KIAA1671: variants seen among roughly 807,000 people sequenced by gnomAD.
KIAA1671 encodes the protein uncharacterized protein KIAA1671.
Under a neutral mutation model 131.2 loss-of-function variants are expected in KIAA1671, and 52 were observed. The ratio of observed to expected loss-of-function variants is 0.40; its 90% CI spans 0.32 to 0.50. KIAA1671 has a LOEUF of 0.50. KIAA1671 is among the 20% of genes least tolerant of loss of function. KIAA1671 has a pLI of 0.73. For synonymous variants in KIAA1671, 1,003 were observed against 961.6 expected (o/e 1.04, Z -0.80); for missense variants, 2,360 against 2,364.2 (o/e 1.00, Z 0.04).
chr22:25,138,199 C>G (rs1932751980), intron 6 of KIAA1671, among the ~76,000 whole-genome samples: 1 of 152,162 alleles, frequency 6.6e-6, no homozygotes, highest in African/African-American at 2.4e-5. Flanking sequence ...TCCATGTCAT[C>G]TTTACTCTGG....
intron 1 of KIAA1671, among the ~76,000 whole-genome samples, chr22:24,991,976 C>T (rs1303999475): frequency 6.6e-6 from 1 of 152,150 alleles, no homozygotes; most frequent in African/African-American, 2.4e-5. Flanking sequence ...CCTCCGGTCT[C>T]TTCCCATCCC....
At chr22:25,095,605 C>T (rs570820403) in intron 6 of KIAA1671, among the ~76,000 whole-genome samples, 8 of 152,208 alleles carry the variant, frequency 5.3e-5, no homozygotes, top group South Asian at 2.1e-4. Context: ...GAGCTGAGGT[C>T]GCGCCACTGC....
chr22:25,007,561 C>T (rs1189283389), intron 1 of KIAA1671, among the ~76,000 whole-genome samples: 1 of 151,736 alleles, frequency 6.6e-6, no homozygotes, highest in Non-Finnish European at 1.5e-5. Flanking sequence ...AGGTGGGGCT[C>T]AGACTCTGGA....
intron 6 of KIAA1671, among the ~76,000 whole-genome samples, chr22:25,126,100 G>T (rs1932173207): frequency 6.6e-6 from 1 of 152,198 alleles, no homozygotes; most frequent in Admixed American, 6.5e-5. Context: ...TGTCAAAGGG[G>T]AGGTTCAGAT....
At chr22:25,111,634 C>A (rs1275916775) in intron 6 of KIAA1671, among the ~76,000 whole-genome samples, 1 of 152,192 alleles carries the variant, frequency 6.6e-6, no homozygotes, top group African/African-American at 2.4e-5. Flanking sequence ...CGGGGTCTGG[C>A]CGAGGGCAGC....
chr22:24,959,394 T>G (rs1264499776), intron 1 of KIAA1671, among the ~76,000 whole-genome samples: 1 of 151,528 alleles, frequency 6.6e-6, no homozygotes, highest in African/African-American at 2.4e-5. Flanking sequence ...GTGATGGCAG[T>G]TGCCTGTAAT....
chr22:25,184,235 C>G (rs2146040632), intron 10 of KIAA1671, among the ~76,000 whole-genome samples: 1 of 152,366 alleles, frequency 6.6e-6, no homozygotes, highest in African/African-American at 2.4e-5. Context: ...CGGGCTAGAC[C>G]TTTGAGCTTT....
rs932208122 is a variant in KIAA1671, at chr22:25,078,822, C to T, written c.4530+29458C>T. On this transcript the variant is annotated intron_variant, in intron 6 of 12. Transcript: ENST00000358431. ...GTTTGGGCCATGGAACAGTTTGCAT[C>T]ATGAGAGATTTTCATCTGACTTGAG... is the stretch of plus-strand genomic sequence containing the variant. Among the ~76,000 whole-genome samples, 32 of 152,252 alleles carry T rather than the reference C, an allele frequency of 2.1e-4. No homozygotes were observed. The East Asian group carries it at 5.6e-3, about 27-fold the overall frequency.
intron 6 of KIAA1671, among the ~76,000 whole-genome samples, chr22:25,095,452 C>T (rs928483892): frequency 6.6e-6 from 1 of 152,164 alleles, no homozygotes; most frequent in Non-Finnish European, 1.5e-5. Context: ...GAGATCAAGA[C>T]CATCCTGGCT....
chr22:25,184,887 A>C, intron 10 of KIAA1671, 90 bp from the exon 11 acceptor site: 5 of 1,483,936 alleles, frequency 3.4e-6, no homozygotes, highest in Non-Finnish European at 4.6e-6. Flanking sequence ...GAGTGTTTGC[A>C]GAAGGCTCAT....
At chr22:25,129,897 C>T (rs985703526) in intron 6 of KIAA1671, among the ~76,000 whole-genome samples, 4 of 152,116 alleles carry the variant, frequency 2.6e-5, no homozygotes, top group African/African-American at 4.8e-5. Flanking sequence ...CATCTGTTGA[C>T]GTATACAATG....
At chr22:25,033,213 C>T (rs1926386042) in intron 4 of KIAA1671, among the ~76,000 whole-genome samples, 2 of 151,814 alleles carry the variant, frequency 1.3e-5, no homozygotes, top group Non-Finnish European at 2.9e-5. Flanking sequence ...TAGTGAGACT[C>T]TTATCTCTAA....
chr22:25,109,570 A>G lies in KIAA1671; in HGVS notation c.4530+60206A>G, dbSNP rs181912884. On this transcript the variant is annotated intron_variant, in intron 6 of 12. Coordinates refer to ENST00000358431, the MANE Select transcript of KIAA1671 (RefSeq NM_001145206.2). ...CTGATGGTCATCTTGGAGGACATCT[A>G]TCAGCCATAACCTTGGTACATGATT... Among the ~76,000 whole-genome samples the G allele has an allele frequency of 2.1e-3, 321 of 152,368 alleles. 1 individual carries two copies. The highest frequency in any genetic ancestry group is 7.4e-3 in the African/African-American group (306 of 41,586).
At position 25,116,431 on chromosome 22, in the gene KIAA1671, GTA is replaced by G. The variant is rs1257059725; in HGVS notation, c.4531-54388_4531-54387del. On this transcript the variant is annotated intron_variant, in intron 6 of 12. Coordinates refer to ENST00000358431, the MANE Select transcript of KIAA1671 (RefSeq NM_001145206.2). ...TGTATGTATGTATGTATGTATGTAT[GTA>G]CGTATTGAGATGGAGTCTTGCTCTG... Among the ~76,000 whole-genome samples the G allele has an allele frequency of 2.2e-3, 316 of 146,572 alleles. 1 individual carries two copies. The highest frequency in any genetic ancestry group is 0.015 in the South Asian group (69 of 4,632).
At chr22:24,963,738 A>C (rs1922140482) in intron 1 of KIAA1671, among the ~76,000 whole-genome samples, 1 of 151,350 alleles carries the variant, frequency 6.6e-6, no homozygotes, top group African/African-American at 2.4e-5. Context: ...CAGGAGATCA[A>C]GACCATCCTG....
chr22:25,044,414 T>C (rs1177418395), intron 5 of KIAA1671, among the ~76,000 whole-genome samples: 1 of 152,086 alleles, frequency 6.6e-6, no homozygotes, highest in Admixed American at 6.5e-5. Flanking sequence ...AGCACCTTGC[T>C]CAGGGCCCGC....
At chr22:25,076,470 CCT>C (rs1929113249) in intron 6 of KIAA1671, among the ~76,000 whole-genome samples, 1 of 152,110 alleles carries the variant, frequency 6.6e-6, no homozygotes, top group Non-Finnish European at 1.5e-5. Flanking sequence ...CAGCCTGAGT[CCT>C]TCTCATAGCT....
intron 4 of KIAA1671, among the ~76,000 whole-genome samples, chr22:25,036,499 C>T (rs1488619136): frequency 1.3e-5 from 2 of 151,998 alleles, no homozygotes; most frequent in East Asian, 1.9e-4. Flanking sequence ...TTCAAAAATT[C>T]GGTCTTTCTA....
intron 1 of KIAA1671, among the ~76,000 whole-genome samples, chr22:25,015,493 C>A (rs1925261129): frequency 6.6e-6 from 1 of 152,018 alleles, no homozygotes; most frequent in African/African-American, 2.4e-5. Flanking sequence ...GTTGAAAAGG[C>A]GGAGGTTAAG....
Sources: allele counts gnomAD v4.1 joint callset (sites outside exome capture counted in the v4.1 genomes callset), GRCh38; gene constraint gnomAD v4.1.1; transcripts MANE v1.5; gene names NCBI Gene and HGNC (gene_info 2026-07-23, HGNC 2026-07-21).